GLRA3: variants seen among roughly 807,000 people sequenced by gnomAD.
The protein encoded by GLRA3 is glycine receptor subunit alpha-3.
GLRA3 carries 44 observed loss-of-function variants against 60.4 expected under a neutral mutation model. The ratio of observed to expected loss-of-function variants is 0.73; its 90% CI spans 0.57 to 0.94. The LOEUF is 0.94. Ranked by LOEUF, GLRA3 falls within the 40% of genes least tolerant of loss-of-function variation. The pLI is 0.00. For missense variants in GLRA3, 508 were observed against 564.6 expected (o/e 0.90, Z 1.02); for synonymous variants, 223 against 192.9 (o/e 1.16, Z -1.29).
intron 1 of GLRA3, among the ~76,000 whole-genome samples, chr4:174,805,017 T>C (rs1739977820): frequency 1.3e-5 from 2 of 152,182 alleles, no homozygotes; most frequent in South Asian, 2.1e-4. Context: ...GGCTTCCAGA[T>C]AGCCTTTTCT....
intron 4 of GLRA3, among the ~76,000 whole-genome samples, chr4:174,716,357 C>G (rs1283746712): frequency 6.6e-6 from 1 of 152,182 alleles, no homozygotes; most frequent in Admixed American, 6.5e-5. Context: ...ATTGGAAAGG[C>G]TCTCCTCCAA....
At chr4:174,761,818 G>A (rs777408808) in intron 3 of GLRA3, among the ~76,000 whole-genome samples, 6 of 152,144 alleles carry the variant, frequency 3.9e-5, no homozygotes, top group Non-Finnish European at 8.8e-5. Context: ...ACATGAATGT[G>A]TGCACTTTGT....
At position 174,804,213 on chromosome 4, in the gene GLRA3, A is replaced by G. The variant is rs571114286; in HGVS notation, c.72-15270T>C. On this transcript the variant is annotated intron_variant, in intron 1 of 9. Coordinates refer to ENST00000274093, the MANE Select transcript of GLRA3 (RefSeq NM_006529.4). ...AGAGTTTCAGGCAGGAAAATGTTGAACAGACAGGTAAAAAGAGAAAGTTTC... is the reference window on the plus strand; with the variant it reads ...AGAGTTTCAGGCAGGAAAATGTTGAGCAGACAGGTAAAAAGAGAAAGTTTC... 2.0e-5 allele frequency among the ~76,000 whole-genome samples: 3 copies of G among 152,300 alleles called. No homozygotes were observed. In the South Asian group the frequency reaches 6.2e-4, roughly 32 times the overall value.
intron 5 of GLRA3, among the ~76,000 whole-genome samples, chr4:174,684,200 T>A (rs1184409801): frequency 1.4e-5 from 2 of 138,450 alleles, no homozygotes; most frequent in African/African-American, 5.2e-5. Context: ...TATTGTATTT[T>A]AAAAAAAAGT....
intron 9 of GLRA3, among the ~76,000 whole-genome samples, chr4:174,648,465 C>T (rs1732911422): frequency 6.6e-6 from 1 of 152,150 alleles, no homozygotes; most frequent in African/African-American, 2.4e-5. Flanking sequence ...AACTCCATCT[C>T]AGAATCAATC....
chr4:174,651,359 G>T lies in GLRA3; in HGVS notation c.1116+5384C>A, dbSNP rs545914032. 3.3e-5 allele frequency among the ~76,000 whole-genome samples: 5 copies of T among 152,148 alleles called. No homozygotes were observed. In the South Asian group the frequency reaches 1.0e-3, roughly 32 times the overall value. ...TAGCTACTTAACTTTATGATTATTG[G>T]TTTCTTATTCCAGGAAAATATTTAT... On this transcript the variant is annotated intron_variant, in intron 9 of 9. Transcript: ENST00000274093.
chr4:174,660,394 C>T (rs145006799), intron 7 of GLRA3, among the ~76,000 whole-genome samples: 133 of 152,204 alleles, frequency 8.7e-4, no homozygotes, highest in African/African-American at 3.2e-3. Flanking sequence ...GAGTACAGGC[C>T]AGTTATTTTC....
chr4:174,703,161 G>A (rs1735388688), intron 5 of GLRA3, among the ~76,000 whole-genome samples: 1 of 152,200 alleles, frequency 6.6e-6, no homozygotes, highest in South Asian at 2.1e-4. Flanking sequence ...TCAGAAATTT[G>A]ATTTGGCATT....
At chr4:174,660,059 T>C (rs541285249) in intron 7 of GLRA3, among the ~76,000 whole-genome samples, 2 of 151,182 alleles carry the variant, frequency 1.3e-5, no homozygotes, top group Admixed American at 1.3e-4. Context: ...TATGTGTGTG[T>C]ATATATATAT....
intron 5 of GLRA3, among the ~76,000 whole-genome samples, chr4:174,694,745 C>T (rs928098873): frequency 6.6e-6 from 1 of 151,744 alleles, no homozygotes; most frequent in African/African-American, 2.4e-5. Context: ...CAGAGTGGCA[C>T]AGAAGGAAAT....
chr4:174,766,248 T>G (rs1202144892), intron 3 of GLRA3, among the ~76,000 whole-genome samples: 1 of 152,012 alleles, frequency 6.6e-6, no homozygotes, highest in Non-Finnish European at 1.5e-5. Context: ...CTAGCTAATT[T>G]AAGAATCATC....
In GLRA3 at chr4:174,774,150, T is replaced by C. The variant is rs1031529994; in HGVS notation, c.200-7120A>G. Among the ~76,000 whole-genome samples the C allele has an allele frequency of 8.0e-4, 120 of 150,488 alleles. 1 individual carries two copies. The highest frequency in any genetic ancestry group is 2.3e-3 in the Admixed American group (34 of 15,056). On this transcript the variant is annotated intron_variant, in intron 2 of 9. Coordinates refer to ENST00000274093, the MANE Select transcript of GLRA3 (RefSeq NM_006529.4). ...GAAGGTACTTGTGTAAAAGAAGAAG[T>C]AGCAGCAAACAAGGGAGATTCATTA...
Position 174,643,855 on chromosome 4 carries a change from A to G in GLRA3, c.1326T>C (p.Ile442=). The G allele has an allele frequency of 6.2e-7, 1 of 1,614,094 alleles. No homozygotes were observed. The highest frequency in any genetic ancestry group is 8.5e-7 in the Non-Finnish European group (1 of 1,179,954). The part of the protein sequence containing the change: ...SRACFPLAFL[I]FNIFYWVIYK... Reference sequence around the variant, plus strand: ...AGATAACCCAGTAGAAAATATTAAAAATCAAAAAAGCTAATGGGAAGCAGG... The same window carrying G: ...AGATAACCCAGTAGAAAATATTAAAGATCAAAAAAGCTAATGGGAAGCAGG... The change falls in exon 10 of 10, where the codon ATT becomes ATC. Residue 442 remains isoleucine (I), a synonymous_variant. Coordinates refer to ENST00000274093, the MANE Select transcript of GLRA3 (RefSeq NM_006529.4).
intron 3 of GLRA3, among the ~76,000 whole-genome samples, chr4:174,753,543 C>A (rs150714644): frequency 6.6e-6 from 1 of 152,160 alleles, no homozygotes; most frequent in East Asian, 1.9e-4. Context: ...AGGATTCTTT[C>A]AGAAAATCAA....
intron 5 of GLRA3, among the ~76,000 whole-genome samples, chr4:174,711,597 G>A (rs1049121742): frequency 7.2e-5 from 11 of 151,938 alleles, no homozygotes; most frequent in African/African-American, 2.7e-4. Context: ...GTGCCACCAC[G>A]CCTGGCTAAT....
intron 3 of GLRA3, among the ~76,000 whole-genome samples, chr4:174,762,848 T>C (rs1435019448): frequency 6.6e-6 from 1 of 152,122 alleles, no homozygotes; most frequent in Non-Finnish European, 1.5e-5. Flanking sequence ...TAGAACAATT[T>C]TGGTACCCAG....
chr4:174,716,168 T>G (rs1735910527), intron 4 of GLRA3, among the ~76,000 whole-genome samples: 1 of 152,170 alleles, frequency 6.6e-6, no homozygotes, highest in South Asian at 2.1e-4. Context: ...TTTAGTAAAG[T>G]GAATCTGGAG....
chr4:174,644,817 G>T lies in GLRA3; in HGVS notation c.1117-753C>A, dbSNP rs1397754219. Among the ~76,000 whole-genome samples, 3 of 151,602 alleles carry T rather than the reference G, an allele frequency of 2.0e-5. No homozygotes were observed. In the East Asian group the frequency reaches 5.8e-4, roughly 29 times the overall value. ...TCTTTTAAATGTGGCAAACTGAAGAGAATTTTCCATGTTTGTAAATGAAGG... is the reference window on the plus strand; with the variant it reads ...TCTTTTAAATGTGGCAAACTGAAGATAATTTTCCATGTTTGTAAATGAAGG... On this transcript the variant is annotated intron_variant, in intron 9 of 9. Coordinates refer to ENST00000274093, the MANE Select transcript of GLRA3 (RefSeq NM_006529.4).
chr4:174,789,285 G>A (rs1224703774), intron 1 of GLRA3, among the ~76,000 whole-genome samples: 3 of 152,064 alleles, frequency 2.0e-5, no homozygotes, highest in Non-Finnish European at 2.9e-5. Flanking sequence ...TATTGCTTTA[G>A]GTGTAAGAAA....
Sources: gnomAD v4.1 joint callset for allele counts (sites outside exome capture counted in the v4.1 genomes callset) on GRCh38, gnomAD v4.1.1 for gene constraint, MANE v1.5 for transcripts, NCBI Gene and HGNC (gene_info 2026-07-23, HGNC 2026-07-21) for gene names.